The following PGM1 variants were observed in gnomAD, a reference collection of about 807,000 sequenced individuals.
PGM1 encodes phosphoglucomutase-1.
PGM1 carries 52 observed loss-of-function variants against 55.6 expected under a neutral mutation model. That is an observed-to-expected ratio of 0.94 (90% CI 0.75 to 1.18). The LOEUF is 1.18. PGM1 is among the 50% of genes most tolerant of loss of function. The probability of loss-of-function intolerance (pLI) is 0.00; values close to 1 mark genes in which losing one functional copy is unlikely to be tolerated. For missense variants in PGM1, 724 were observed against 729.3 expected (o/e 0.99, Z 0.08); for synonymous variants, 287 against 271.7 (o/e 1.06, Z -0.55).
chr1:63,652,927 A>G (rs982670035), intron 9 of PGM1, among the ~76,000 whole-genome samples: 1 of 152,206 alleles, frequency 6.6e-6, no homozygotes, highest in African/African-American at 2.4e-5. Context: ...TAATTAGAAG[A>G]GAGACCTGTG....
rs572408636 is a variant in PGM1 at position 63,633,518 on chromosome 1, G to A, written c.683-1311G>A. ...TTTATTCTACAGTGTTATGACCTCTGGGGCATGTACTGTATTGGGATTAGT... is the reference window on the plus strand; with the variant it reads ...TTTATTCTACAGTGTTATGACCTCTAGGGCATGTACTGTATTGGGATTAGT... On this transcript the variant is annotated intron_variant, in intron 4 of 10. Coordinates refer to ENST00000371084, the MANE Select transcript of PGM1 (RefSeq NM_002633.3). Among the ~76,000 whole-genome samples, 12 of 152,210 alleles carry A rather than the reference G, an allele frequency of 7.9e-5. No homozygotes were observed. In the East Asian group the frequency reaches 2.1e-3, roughly 27 times the overall value.
At chr1:63,651,471 A>T (rs566715046) in intron 8 of PGM1, 198 bp from the exon 9 acceptor site, 24 of 581,490 alleles carry the variant, frequency 4.1e-5, no homozygotes, top group Non-Finnish European at 7.4e-5. Flanking sequence ...CCTTCCCTGA[A>T]ATCCTCCAAA....
intron 1 of PGM1, among the ~76,000 whole-genome samples, chr1:63,629,049 A>G (rs555545283): frequency 6.6e-6 from 1 of 152,192 alleles, no homozygotes; most frequent in Non-Finnish European, 1.5e-5. Flanking sequence ...GATTGAAAGT[A>G]TGATTGAATT....
At chr1:63,632,264 T>C (rs954889617) in intron 4 of PGM1, among the ~76,000 whole-genome samples, 1 of 152,148 alleles carries the variant, frequency 6.6e-6, no homozygotes, top group African/African-American at 2.4e-5. Flanking sequence ...CCCTCTCTTC[T>C]TCCTCCGTGG....
intron 1 of PGM1, among the ~76,000 whole-genome samples, chr1:63,625,535 T>G (rs966468666): frequency 3.3e-5 from 5 of 152,222 alleles, no homozygotes; most frequent in Non-Finnish European, 7.3e-5. Context: ...AAATTCTGAC[T>G]GTTTTAACAT....
rs566204745 is a variant in PGM1, at chr1:63,622,875, C to T, written c.247-6550C>T. ...ACCAGGGGTAAATTAAGCTCCCTCA[C>T]TTCCATTTTAAGATTGACCTTTAAC... On this transcript the variant is annotated intron_variant, in intron 1 of 10. Transcript: ENST00000371084. Among the ~76,000 whole-genome samples the T allele has an allele frequency of 2.0e-5, 3 of 152,330 alleles. No homozygotes were observed. In the South Asian group the frequency reaches 6.2e-4, roughly 32 times the overall value.
At chr1:63,627,830 G>T (rs1416968114) in intron 1 of PGM1, among the ~76,000 whole-genome samples, 7 of 152,068 alleles carry the variant, frequency 4.6e-5, no homozygotes, top group Admixed American at 4.6e-4. Context: ...TTCTGGAACT[G>T]CCCGAACATA....
chr1:63,636,696 A>C (rs1010078886), intron 6 of PGM1, among the ~76,000 whole-genome samples: 6 of 152,186 alleles, frequency 3.9e-5, no homozygotes, highest in African/African-American at 1.4e-4. Context: ...TTTGTTCACC[A>C]TCTGGACTCT....
At chr1:63,650,979 G>A (rs1649791661) in intron 8 of PGM1, among the ~76,000 whole-genome samples, 1 of 152,066 alleles carries the variant, frequency 6.6e-6, no homozygotes, top group Non-Finnish European at 1.5e-5. Flanking sequence ...ATTCCTAGGT[G>A]ATGGGTTGAT....
At chr1:63,596,432 T>C (rs550634619) in intron 1 of PGM1, among the ~76,000 whole-genome samples, 16 of 152,000 alleles carry the variant, frequency 1.1e-4, no homozygotes, top group African/African-American at 3.9e-4. Context: ...AATTTTTATA[T>C]TTTTAGTAGA....
At position 63,594,557 on chromosome 1, in the gene PGM1, C is replaced by T. The variant is rs1016651420; in HGVS notation, c.246+823C>T. Among the ~76,000 whole-genome samples, 5 of 152,132 alleles carry T rather than the reference C, an allele frequency of 3.3e-5. No individual in the cohort carries two copies. In the East Asian group the frequency reaches 5.8e-4, roughly 18 times the overall value. On this transcript the variant is annotated intron_variant, in intron 1 of 10. Transcript: ENST00000371084. ...AATTACCGCAACACCTTGGTTCCGC[C>T]CCCGGCCAAGGAAAGTTAACTGACT...
chr1:63,656,571 GGTGTGTGT>G (rs10629750), intron 10 of PGM1, among the ~76,000 whole-genome samples: 5 of 144,234 alleles, frequency 3.5e-5, no homozygotes, highest in South Asian at 4.4e-4. Context: ...AAGACATTGT[GGTGTGTGT>G]GTGTGTGTGT....
At chr1:63,608,541 G>T (rs1021447695) in intron 1 of PGM1, among the ~76,000 whole-genome samples, 1 of 152,164 alleles carries the variant, frequency 6.6e-6, no homozygotes, top group Non-Finnish European at 1.5e-5. Flanking sequence ...GGTATAACTG[G>T]GTGGGGACAG....
intron 4 of PGM1, among the ~76,000 whole-genome samples, chr1:63,634,206 C>T (rs1479858134): frequency 1.3e-5 from 2 of 151,728 alleles, no homozygotes; most frequent in African/African-American, 2.4e-5. Flanking sequence ...CTCAGAACAC[C>T]AACATTCCAA....
At chr1:63,638,548 CA>C in intron 6 of PGM1, 136 bp from the exon 7 acceptor site, 1 of 734,484 alleles carries the variant, frequency 1.4e-6, no homozygotes, top group Non-Finnish European at 2.5e-6. Flanking sequence ...GATTTTCCAC[CA>C]ATCTTAGAAT....
chr1:63,593,808 C>A, intron 1 of PGM1, 74 bp downstream of exon 1: 1 of 1,415,976 alleles, frequency 7.1e-7, no homozygotes, highest in Non-Finnish European at 9.1e-7. Flanking sequence ...CGCCCTCCCT[C>A]GCTCGGGGCC....
chr1:63,625,499 G>A (rs1021079328), intron 1 of PGM1, among the ~76,000 whole-genome samples: 27 of 152,204 alleles, frequency 1.8e-4, no homozygotes, highest in Admixed American at 7.2e-4. Flanking sequence ...TAAAGGGTTT[G>A]ATTTCTTCTC....
intron 10 of PGM1, 130 bp from the exon 11 acceptor site, chr1:63,659,452 GTGTT>G: frequency 1.4e-6 from 1 of 729,008 alleles, no homozygotes; most frequent in Non-Finnish European, 2.5e-6. Context: ...GAAATAACAT[GTGTT>G]TGTTTTTGGA....
intron 1 of PGM1, among the ~76,000 whole-genome samples, chr1:63,596,254 C>CTTTTTTTTTT (rs531673796): frequency 1.8e-5 from 2 of 111,330 alleles, no homozygotes; most frequent in Admixed American, 9.8e-5. Flanking sequence ...TTTTCTTCTT[C>CTTTTTTTTTT]TTTTTTTTTT....
Sources: gnomAD v4.1 joint callset for allele counts (sites outside exome capture counted in the v4.1 genomes callset) on GRCh38, gnomAD v4.1.1 for gene constraint, MANE v1.5 for transcripts, NCBI Gene and HGNC (gene_info 2026-07-23, HGNC 2026-07-21) for gene names.